Variants in PCDHA5 observed in about 807,000 individuals in gnomAD.
PCDHA5 encodes the protein protocadherin alpha-5.
A neutral mutation model predicts 61.6 loss-of-function variants in PCDHA5; 43 were observed. The ratio of observed to expected loss-of-function variants is 0.70; its 90% CI spans 0.55 to 0.90. The LOEUF (loss-of-function observed/expected upper bound fraction) is 0.90, where lower values mean the gene tolerates loss of function less well. PCDHA5 is among the 40% of genes least tolerant of loss of function. The probability of loss-of-function intolerance (pLI) is 0.00; values close to 1 mark genes in which losing one functional copy is unlikely to be tolerated. For missense variants in PCDHA5, 1,298 were observed against 1,222.7 expected (o/e 1.06, Z -0.92); for synonymous variants, 627 against 543.9 (o/e 1.15, Z -2.13).
chr5:140,862,554 A>G, intron 1 of PCDHA5: 3 of 464,416 alleles, frequency 6.5e-6, no homozygotes, highest in Non-Finnish European at 1.3e-5. Context: ...GTGGCCGAAC[A>G]GTGAACCACA....
At chr5:140,999,638 CTG>C (rs2097866913) in intron 3 of PCDHA5, among the ~76,000 whole-genome samples, 1 of 152,170 alleles carries the variant, frequency 6.6e-6, no homozygotes, top group Non-Finnish European at 1.5e-5. Flanking sequence ...GTAGAGAAAA[CTG>C]TGCAGCCTGA....
At chr5:140,876,602 G>C (rs572945874) in intron 1 of PCDHA5, 2 of 1,614,180 alleles carry the variant, frequency 1.2e-6, no homozygotes, top group Non-Finnish European at 1.7e-6. Flanking sequence ...GTGTCGGATC[G>C]TGACTCTGGA....
chr5:140,876,297 A>G, intron 1 of PCDHA5: 1 of 1,614,092 alleles, frequency 6.2e-7, no homozygotes, highest in Non-Finnish European at 8.5e-7. Flanking sequence ...GACTTAATGG[A>G]GAAATTTCCT....
chr5:140,841,468 G>A, intron 1 of PCDHA5: 1 of 1,612,986 alleles, frequency 6.2e-7, no homozygotes, highest in Non-Finnish European at 8.5e-7. Context: ...GCCGGATCGC[G>A]CAGGACCTGG....
chr5:140,870,256 A>G, intron 1 of PCDHA5: 1 of 1,614,168 alleles, frequency 6.2e-7, no homozygotes, highest in Non-Finnish European at 8.5e-7. Flanking sequence ...CGGACAGGTG[A>G]CCTGCTCGCT....
chr5:140,836,286 C>A (rs146878440), intron 1 of PCDHA5: 2 of 1,613,774 alleles, frequency 1.2e-6, no homozygotes, highest in East Asian at 2.2e-5. Context: ...CAGCACGACA[C>A]GAGCCCTAGA....
chr5:140,932,222 A>T (rs2088129167), intron 1 of PCDHA5, among the ~76,000 whole-genome samples: 1 of 151,870 alleles, frequency 6.6e-6, no homozygotes, highest in African/African-American at 2.4e-5. Flanking sequence ...GGCAATTTAA[A>T]TTTTTTAGAA....
At position 140,823,666 on chromosome 5, in the gene PCDHA5, A is replaced by G. The variant is rs2150128103; in HGVS notation, c.1891A>G (p.Ser631Gly). The G allele has an allele frequency of 3.1e-5, 50 of 1,614,028 alleles. No individual in the cohort carries two copies. Among genetic ancestry groups the G allele is most frequent in the Admixed American group, 5.0e-5 (3 of 60,030 alleles). Residue 631 changes from serine to glycine, a missense_variant, in exon 1 of 4, where the codon AGC becomes GGC. Transcript: ENST00000529859. ...CGTGGGGCTGTACACAGGCGAGATCAGCACAACACGCTCTCTGGATGAGAC... is the reference window on the plus strand; with the variant it reads ...CGTGGGGCTGTACACAGGCGAGATCGGCACAACACGCTCTCTGGATGAGAC... ...FRVGLYTGEI[S>G]TTRSLDETEA...
At chr5:140,918,742 A>T (rs2078833886) in intron 1 of PCDHA5, among the ~76,000 whole-genome samples, 1 of 152,170 alleles carries the variant, frequency 6.6e-6, no homozygotes, top group Non-Finnish European at 1.5e-5. Context: ...GCCCTTATAA[A>T]AGAGGCCCAG....
chr5:140,870,883 C>A (rs782137761), intron 1 of PCDHA5: 1 of 1,613,920 alleles, frequency 6.2e-7, no homozygotes, highest in Non-Finnish European at 8.5e-7. Context: ...GGCGAAGGTG[C>A]GCGCAGTGGA....
rs114421153 is a variant in PCDHA5, at chr5:140,919,495, A to T, written c.2353-59454A>T. ...TATTTGGATTTATGTTTGTTATTTT[A>T]CTCCTTTTTCTATATGTTTTAATTC... On this transcript the variant is annotated intron_variant, in intron 1 of 3. Coordinates refer to ENST00000529859, the MANE Select transcript of PCDHA5 (RefSeq NM_018908.3). 4.5e-3 allele frequency among the ~76,000 whole-genome samples: 671 copies of T among 150,296 alleles called. 3 individuals are homozygous for T. Among genetic ancestry groups the T allele is most frequent in the African/African-American group, 0.016 (651 of 40,928 alleles).
At chr5:140,834,193 T>C in intron 1 of PCDHA5, 1 of 594,062 alleles carries the variant, frequency 1.7e-6, no homozygotes, top group Non-Finnish European at 2.9e-6. Flanking sequence ...GATGTCGCTC[T>C]TTACCGCAAA....
intron 1 of PCDHA5, chr5:140,834,538 T>C: frequency 1.9e-6 from 3 of 1,614,074 alleles, no homozygotes; most frequent in Non-Finnish European, 2.5e-6. Flanking sequence ...GCGCAGGACC[T>C]GGGGCTGGAG....
intron 1 of PCDHA5, among the ~76,000 whole-genome samples, chr5:140,906,171 C>T (rs2072420841): frequency 6.6e-6 from 1 of 152,178 alleles, no homozygotes; most frequent in Non-Finnish European, 1.5e-5. Flanking sequence ...AGGAACAATA[C>T]TTTGCATCCT....
chr5:140,925,640 G>GAA (rs1554202829), intron 1 of PCDHA5, among the ~76,000 whole-genome samples: 1 of 75,086 alleles, frequency 1.3e-5, no homozygotes, highest in Non-Finnish European at 2.8e-5. Context: ...AGAACTTAAA[G>GAA]TATAATAATA....
chr5:140,868,581 A>G (rs1554162109), intron 1 of PCDHA5: 1 of 152,846 alleles, frequency 6.5e-6, no homozygotes, highest in African/African-American at 2.4e-5. Flanking sequence ...ACTTTCAGGA[A>G]ATGTTTAACC....
intron 3 of PCDHA5, among the ~76,000 whole-genome samples, chr5:140,993,375 C>T (rs1238667698): frequency 1.3e-5 from 2 of 151,770 alleles, no homozygotes; most frequent in Non-Finnish European, 2.9e-5. Flanking sequence ...ACCTCCCAGC[C>T]GGGTCCCTGA....
In PCDHA5 at chr5:140,941,217, T is replaced by TTC. The variant is rs1483555953; in HGVS notation, c.2353-37730_2353-37729dup. Among the ~76,000 whole-genome samples, 308 of 126,180 alleles carry TTC rather than the reference T, an allele frequency of 2.4e-3. 1 individual carries two copies. Among genetic ancestry groups the TTC allele is most frequent in the African/African-American group, 9.4e-3 (294 of 31,220 alleles). The allele number at this position is 126,180 out of a possible 152,430, so 82.8% of individuals were successfully genotyped here. On this transcript the variant is annotated intron_variant, in intron 1 of 3. Coordinates refer to ENST00000529859, the MANE Select transcript of PCDHA5 (RefSeq NM_018908.3). ...TTTCTTTCTTCCTTTCTTTCTTCCT[T>TTC]TCTTTCTTTCTTTCTTTCTTTCTTT...
chr5:140,871,092 C>A (rs575877743), intron 1 of PCDHA5: 2 of 1,613,142 alleles, frequency 1.2e-6, no homozygotes, highest in Admixed American at 1.7e-5. Flanking sequence ...CCACGGCCAC[C>A]GTGCTGGTGT....
Sources: gnomAD v4.1 joint callset for allele counts (sites outside exome capture counted in the v4.1 genomes callset) on GRCh38, gnomAD v4.1.1 for gene constraint, MANE v1.5 for transcripts, NCBI Gene and HGNC (gene_info 2026-07-23, HGNC 2026-07-21) for gene names.